Variants in SORCS2 observed in about 807,000 individuals in gnomAD.
SORCS2 encodes VPS10 domain-containing receptor SorCS2.
Under a neutral mutation model 141.6 loss-of-function variants are expected in SORCS2, and 100 were observed. That is an observed-to-expected ratio of 0.71 (90% CI 0.60 to 0.83). The LOEUF (loss-of-function observed/expected upper bound fraction) is 0.83, where lower values mean the gene tolerates loss of function less well. SORCS2 is among the 40% of genes least tolerant of loss of function. The pLI, the probability that SORCS2 is intolerant of heterozygous loss-of-function variation, is 0.00. For synonymous variants in SORCS2, 789 were observed against 676.9 expected, an observed-to-expected ratio of 1.17 and a Z score of -2.57; for missense variants, 1,646 against 1,560.2, an observed-to-expected ratio of 1.05 and a Z score of -0.93.
At chr4:7,532,457 C>T (rs1429719404) in intron 3 of SORCS2, among the ~76,000 whole-genome samples, 1 of 152,226 alleles carries the variant, frequency 6.6e-6, no homozygotes, top group Non-Finnish European at 1.5e-5. Flanking sequence ...GCACACAGGC[C>T]CCTGTGCTCA....
At chr4:7,277,798 A>G (rs1469533425) in intron 1 of SORCS2, among the ~76,000 whole-genome samples, 1 of 152,178 alleles carries the variant, frequency 6.6e-6, no homozygotes, top group Non-Finnish European at 1.5e-5. Context: ...CGCTGGGTGC[A>G]GACATTCATC....
intron 2 of SORCS2, among the ~76,000 whole-genome samples, chr4:7,500,066 G>A (rs949153996): frequency 6.6e-6 from 1 of 152,184 alleles, no homozygotes; most frequent in Non-Finnish European, 1.5e-5. Context: ...ATGGACACAA[G>A]CTCTGACCTC....
intron 3 of SORCS2, among the ~76,000 whole-genome samples, chr4:7,572,746 G>A (rs1230948753): frequency 6.6e-6 from 1 of 152,150 alleles, no homozygotes; most frequent in Admixed American, 6.5e-5. Flanking sequence ...TCCATCAATT[G>A]TCAATCAATT....
chr4:7,210,278 T>G (rs1268966307), intron 1 of SORCS2, among the ~76,000 whole-genome samples: 1 of 152,146 alleles, frequency 6.6e-6, no homozygotes, highest in Non-Finnish European at 1.5e-5. Context: ...CCCTTGACCC[T>G]TATTATCACC....
intron 1 of SORCS2, among the ~76,000 whole-genome samples, chr4:7,375,866 CTTTCCCTACCATCGGCCGCT>C (rs1253507774): frequency 6.6e-6 from 1 of 152,148 alleles, no homozygotes; most frequent in African/African-American, 2.4e-5. Context: ...ATTCAAGTCA[CTTTCCCTACCATCGGCCGCT>C]TGTTATTCGT....
chr4:7,394,917 C>T (rs575295366), intron 1 of SORCS2, among the ~76,000 whole-genome samples: 2 of 152,300 alleles, frequency 1.3e-5, no homozygotes, highest in East Asian at 3.9e-4. Context: ...CCAGCTGCCA[C>T]TCTAGGCTGT....
chr4:7,606,127 C>T (rs1718047191), intron 3 of SORCS2, among the ~76,000 whole-genome samples: 1 of 152,158 alleles, frequency 6.6e-6, no homozygotes, highest in South Asian at 2.1e-4. Context: ...ACCACCCCTT[C>T]TTGATAATAA....
chr4:7,727,045 CAG>C (rs1727271329), intron 21 of SORCS2, 142 bp downstream of exon 21: 7 of 1,122,120 alleles, frequency 6.2e-6, no homozygotes, highest in Non-Finnish European at 8.6e-6. Context: ...GCTGGATAAA[CAG>C]AGCCCTGCCC....
At chr4:7,238,297 G>A (rs1003769977) in intron 1 of SORCS2, among the ~76,000 whole-genome samples, 6 of 152,064 alleles carry the variant, frequency 3.9e-5, no homozygotes, top group Non-Finnish European at 8.8e-5. Flanking sequence ...GTCTGGGGGG[G>A]GTTGCTGGTA....
At chr4:7,203,936 T>G (rs1727605999) in intron 1 of SORCS2, among the ~76,000 whole-genome samples, 1 of 152,258 alleles carries the variant, frequency 6.6e-6, no homozygotes, top group Non-Finnish European at 1.5e-5. Context: ...GTCTGGTTTA[T>G]TTCACTCAGC....
chr4:7,373,736 C>T (rs1722429002), intron 1 of SORCS2, among the ~76,000 whole-genome samples: 3 of 151,620 alleles, frequency 2.0e-5, no homozygotes, highest in Admixed American at 2.0e-4. Context: ...AAGTGATCCA[C>T]CCGCCTCGGC....
Position 7,565,908 on chromosome 4 carries a change from G to A in SORCS2, c.648+34279G>A, listed in dbSNP as rs1197059235. On this transcript the variant is annotated intron_variant, in intron 3 of 26. Transcript: ENST00000507866. ...TGATGATGGTGGTGATAGTGATTAT[G>A]GTGGTGATGGTGATGATGGCAATGA... is the stretch of plus-strand genomic sequence containing the variant. Among the ~76,000 whole-genome samples the A allele has an allele frequency of 2.1e-5, 3 of 141,932 alleles. No individual in the cohort carries two copies. In the East Asian group the frequency reaches 5.9e-4, roughly 28 times the overall value. 93.1% of individuals were successfully genotyped at this position (141,932 alleles called of 152,430 possible). A position where few individuals can be genotyped will look rare whatever the true frequency, so the allele number is the denominator to read the frequency against.
rs1725853900 is a variant in SORCS2 at position 7,712,029 on chromosome 4, GGTTCAGGAT to G, written c.1869-697_1869-689del. 2.0e-5 allele frequency among the ~76,000 whole-genome samples: 3 copies of G among 152,212 alleles called. No individual in the cohort carries two copies. In the South Asian group the frequency reaches 6.2e-4, roughly 32 times the overall value. On this transcript the variant is annotated intron_variant, in intron 14 of 26. Coordinates refer to ENST00000507866, the MANE Select transcript of SORCS2 (RefSeq NM_020777.3). ...AGCCCATGGAGTCCAGTGTGCTTGG[GGTTCAGGAT>G]GTTCAGATCTTAGGAAGGTAACACA... is the stretch of plus-strand genomic sequence containing the variant.
intron 2 of SORCS2, among the ~76,000 whole-genome samples, chr4:7,397,054 C>T (rs1326299042): frequency 1.3e-5 from 2 of 152,228 alleles, no homozygotes; most frequent in African/African-American, 2.4e-5. Context: ...GTACCGATTA[C>T]CACCTCCATG....
At chr4:7,646,771 T>C (rs988472804) in intron 4 of SORCS2, among the ~76,000 whole-genome samples, 13 of 152,184 alleles carry the variant, frequency 8.5e-5, no homozygotes, top group Non-Finnish European at 1.6e-4. Context: ...CAGAACGGTG[T>C]GAGAATCTGT....
At chr4:7,690,647 G>C (rs1037656049) in intron 11 of SORCS2, among the ~76,000 whole-genome samples, 1 of 151,926 alleles carries the variant, frequency 6.6e-6, no homozygotes, top group Non-Finnish European at 1.5e-5. Flanking sequence ...ACGGATGATG[G>C]GTGATGGATA....
At chr4:7,642,981 G>A (rs1185730376) in intron 4 of SORCS2, among the ~76,000 whole-genome samples, 2 of 152,160 alleles carry the variant, frequency 1.3e-5, no homozygotes, top group African/African-American at 4.8e-5. Flanking sequence ...CAATGGAGTG[G>A]ACACAATTGC....
At chr4:7,411,540 T>A (rs4689736) in intron 2 of SORCS2, among the ~76,000 whole-genome samples, 46,247 of 151,802 alleles carry the variant, frequency 0.3, 7,438 homozygotes, top group East Asian at 0.51. Context: ...TCATTCTTCC[T>A]TCCATTTGCT....
intron 1 of SORCS2, among the ~76,000 whole-genome samples, chr4:7,387,650 C>T (rs1215280455): frequency 1.5e-5 from 2 of 133,080 alleles, no homozygotes; most frequent in Non-Finnish European, 3.2e-5. Context: ...CACATGCCCA[C>T]CATACACATG....
Sources: allele counts gnomAD v4.1 joint callset (sites outside exome capture counted in the v4.1 genomes callset), GRCh38; gene constraint gnomAD v4.1.1; transcripts MANE v1.5; gene names NCBI Gene and HGNC (gene_info 2026-07-23, HGNC 2026-07-21).